Variants in NTN4 observed in about 807,000 individuals in gnomAD.
NTN4 encodes the protein netrin-4.
Under a neutral mutation model 73.6 loss-of-function variants are expected in NTN4, and 32 were observed. That is an observed-to-expected ratio of 0.44 (90% CI 0.33 to 0.58). The LOEUF is 0.58. Ranked by LOEUF, NTN4 falls within the 20% of genes least tolerant of loss-of-function variation. NTN4 has a pLI of 0.04. For synonymous variants in NTN4, 258 were observed against 287.5 expected (o/e 0.90, Z 1.04); for missense variants, 654 against 798.3 (o/e 0.82, Z 2.18).
At chr12:95,744,425 T>C (rs909929118) in intron 2 of NTN4, among the ~76,000 whole-genome samples, 2 of 152,222 alleles carry the variant, frequency 1.3e-5, no homozygotes, top group African/African-American at 4.8e-5. Context: ...GCAGCATACC[T>C]AATCTTTTTC....
At position 95,671,838 on chromosome 12, in the gene NTN4, G is replaced by GATA. The variant is rs1399721072; in HGVS notation, c.1511-1695_1511-1693dup. Among the ~76,000 whole-genome samples the GATA allele has an allele frequency of 2.3e-4, 35 of 152,200 alleles. 1 individual carries two copies. The highest frequency in any genetic ancestry group is 4.4e-5 in the Non-Finnish European group (3 of 68,002). Reference sequence around the variant, plus strand: ...TTTGCACTCACTGATTTAACAATTAGATATACTTTTTCCCCTTTCCTGCCC... The same window carrying GATA: ...TTTGCACTCACTGATTTAACAATTAGATAATATACTTTTTCCCCTTTCCTGCCC... On this transcript the variant is annotated intron_variant, in intron 7 of 9. Transcript: ENST00000343702.
chr12:95,666,954 A>G (rs1186838834), intron 8 of NTN4, among the ~76,000 whole-genome samples: 1 of 152,188 alleles, frequency 6.6e-6, no homozygotes, highest in Non-Finnish European at 1.5e-5. Context: ...GTCTGTGCAT[A>G]ATTTTTGTGA....
At chr12:95,740,127 A>G (rs1229096355) in intron 2 of NTN4, 1 of 152,276 alleles carries the variant, frequency 6.6e-6, no homozygotes, top group Non-Finnish European at 1.5e-5. Context: ...ACAAAAGTGA[A>G]CGGGAATTTA....
At chr12:95,664,108 C>T (rs1321070892) in intron 9 of NTN4, among the ~76,000 whole-genome samples, 1 of 152,100 alleles carries the variant, frequency 6.6e-6, no homozygotes, top group African/African-American at 2.4e-5. Flanking sequence ...GGCTGGAGTG[C>T]AGTGGCTCAA....
chr12:95,687,056 C>T (rs957908721), intron 5 of NTN4, among the ~76,000 whole-genome samples: 25 of 152,226 alleles, frequency 1.6e-4, no homozygotes, highest in Admixed American at 1.6e-3. Context: ...GGCCTTTCCC[C>T]ACCTTGTCCA....
At chr12:95,746,940 G>A (rs2078867356) in intron 2 of NTN4, among the ~76,000 whole-genome samples, 2 of 152,130 alleles carry the variant, frequency 1.3e-5, no homozygotes, top group Non-Finnish European at 2.9e-5. Flanking sequence ...GTAGTTTCAG[G>A]TGGGAGGGTA....
chr12:95,752,216 C>T (rs991406098), intron 2 of NTN4, among the ~76,000 whole-genome samples: 2 of 151,560 alleles, frequency 1.3e-5, no homozygotes, highest in Non-Finnish European at 2.9e-5. Context: ...TACAGCATGG[C>T]CTTTTAAAGC....
intron 9 of NTN4, among the ~76,000 whole-genome samples, chr12:95,663,190 G>A (rs1445133489): frequency 1.3e-5 from 2 of 151,962 alleles, no homozygotes; most frequent in Non-Finnish European, 1.5e-5. Context: ...AATTTACTTT[G>A]AAACTACAAA....
At chr12:95,776,005 A>G (rs1041232685) in intron 2 of NTN4, among the ~76,000 whole-genome samples, 1 of 152,210 alleles carries the variant, frequency 6.6e-6, no homozygotes, top group South Asian at 2.1e-4. Flanking sequence ...CTGTTCAGCA[A>G]TATTCGCTGT....
At chr12:95,730,618 T>A (rs1592690700) in intron 3 of NTN4, among the ~76,000 whole-genome samples, 1 of 152,324 alleles carries the variant, frequency 6.6e-6, no homozygotes, top group East Asian at 1.9e-4. Context: ...TTTCCAGCCA[T>A]GAACGTGAAT....
chr12:95,743,340 TAC>T (rs2078839867), intron 2 of NTN4, among the ~76,000 whole-genome samples: 1 of 152,202 alleles, frequency 6.6e-6, no homozygotes, highest in African/African-American at 2.4e-5. Context: ...TTCTTCTGCT[TAC>T]TTTGTGTTTA....
intron 3 of NTN4, among the ~76,000 whole-genome samples, chr12:95,721,406 T>G (rs937045314): frequency 1.3e-5 from 2 of 152,170 alleles, no homozygotes; most frequent in Admixed American, 1.3e-4. Flanking sequence ...GGGTAGAGAA[T>G]ACTTTTTGAT....
intron 2 of NTN4, among the ~76,000 whole-genome samples, chr12:95,785,871 G>A (rs995310983): frequency 6.6e-6 from 1 of 152,090 alleles, no homozygotes; most frequent in African/African-American, 2.4e-5. Context: ...TCTCAACCTC[G>A]GTACATTGAC....
rs1460848065 is a variant in NTN4 at position 95,770,988 on chromosome 12, A to ATTTTTTTTTTTTTTTTTTT, written c.585+15950_585+15951insAAAAAAAAAAAAAAAAAAA. Reference sequence around the variant, plus strand: ...GCAAGATGAACCATCCAGGAAAAGAATTTGTTTTTTTTTTTTTTTGAGACA... The same window carrying ATTTTTTTTTTTTTTTTTTT: ...GCAAGATGAACCATCCAGGAAAAGAATTTTTTTTTTTTTTTTTTTTTTGTTTTTTTTTTTTTTTGAGACA... On this transcript the variant is annotated intron_variant, in intron 2 of 9. Transcript: ENST00000343702. Among the ~76,000 whole-genome samples the ATTTTTTTTTTTTTTTTTTT allele has an allele frequency of 9.8e-3, 568 of 57,904 alleles. 56 individuals carry two copies. Among genetic ancestry groups the ATTTTTTTTTTTTTTTTTTT allele is most frequent in the African/African-American group, 0.024 (544 of 22,732 alleles). 38.0% of individuals were successfully genotyped at this position (57,904 alleles called of 152,430 possible).
At chr12:95,663,134 A>G (rs1278223382) in intron 9 of NTN4, among the ~76,000 whole-genome samples, 1 of 151,996 alleles carries the variant, frequency 6.6e-6, no homozygotes, top group African/African-American at 2.4e-5. Context: ...AAAAGAAAAA[A>G]AAAGAAAGAA....
intron 2 of NTN4, among the ~76,000 whole-genome samples, chr12:95,745,498 CT>C (rs371044807): frequency 2.0e-5 from 3 of 151,996 alleles, no homozygotes; most frequent in East Asian, 1.9e-4. Flanking sequence ...GGTCATTCAA[CT>C]TTTTTTTGCT....
In NTN4 at chr12:95,672,975, G is replaced by A. The variant is rs375346643; in HGVS notation, c.1511-2829C>T. The stretch of plus-strand genomic sequence containing the variant: ...TTGTCTGTAAATTGGACAAGAGCTC[G>A]AAGCCCATCAGGTGCATGGAGTTCC... On this transcript the variant is annotated intron_variant, in intron 7 of 9. Coordinates refer to ENST00000343702, the MANE Select transcript of NTN4 (RefSeq NM_021229.4). The A allele has an allele frequency of 2.6e-5, 30 of 1,157,644 alleles. 1 individual carries two copies. Among genetic ancestry groups the A allele is most frequent in the East Asian group, 1.7e-4 (7 of 42,414 alleles). The allele number at this position is 1,157,644 out of a possible 1,614,324, so 71.7% of individuals were successfully genotyped here.
At chr12:95,727,144 G>A (rs986717704) in intron 3 of NTN4, among the ~76,000 whole-genome samples, 1 of 151,252 alleles carries the variant, frequency 6.6e-6, no homozygotes, top group Admixed American at 6.6e-5. Context: ...TCACAATATC[G>A]TTTTGATTTG....
chr12:95,671,781 C>T (rs1461961851), intron 7 of NTN4, among the ~76,000 whole-genome samples: 2 of 152,144 alleles, frequency 1.3e-5, no homozygotes, highest in Non-Finnish European at 2.9e-5. Flanking sequence ...ATCTTATCAA[C>T]CTTACATTTC....
Sources: allele counts gnomAD v4.1 joint callset (sites outside exome capture counted in the v4.1 genomes callset), GRCh38; gene constraint gnomAD v4.1.1; transcripts MANE v1.5; gene names NCBI Gene and HGNC (gene_info 2026-07-23, HGNC 2026-07-21).